The following EAF2 variants were observed in gnomAD, a reference collection of about 807,000 sequenced individuals.
EAF2 encodes ELL-associated factor 2.
Under a neutral mutation model 29.4 loss-of-function variants are expected in EAF2, and 29 were observed. That is an observed-to-expected ratio of 0.99 (90% CI 0.73 to 1.35). EAF2 has a LOEUF of 1.35. EAF2 is among the 40% of genes most tolerant of loss of function. The pLI is 0.00. For missense variants in EAF2, 292 were observed against 312.0 expected (o/e 0.94, Z 0.48); for synonymous variants, 103 against 102.5 (o/e 1.00, Z -0.03).
At chr3:121,864,408 C>T (rs1254646512) in intron 4 of EAF2, among the ~76,000 whole-genome samples, 3 of 152,030 alleles carry the variant, frequency 2.0e-5, no homozygotes, top group African/African-American at 7.2e-5. Flanking sequence ...TTACATCATG[C>T]CTGCTTCCAA....
chr3:121,844,992 A>G (rs1299197123), intron 2 of EAF2, among the ~76,000 whole-genome samples: 1 of 152,220 alleles, frequency 6.6e-6, no homozygotes, highest in Non-Finnish European at 1.5e-5. Context: ...TTCATAAAGC[A>G]AGCAATATTT....
intron 4 of EAF2, among the ~76,000 whole-genome samples, chr3:121,862,970 C>G (rs537869781): frequency 3.3e-5 from 5 of 152,310 alleles, no homozygotes; most frequent in Admixed American, 6.5e-5. Flanking sequence ...ACTCCAGACC[C>G]TGTTTTCCTG....
intron 4 of EAF2, among the ~76,000 whole-genome samples, chr3:121,871,800 C>T (rs1709019465): frequency 1.3e-5 from 2 of 151,886 alleles, no homozygotes; most frequent in Non-Finnish European, 2.9e-5. Context: ...AAAATATTGA[C>T]TTAAAAGTCA....
chr3:121,874,008 C>A (rs1709058858), intron 5 of EAF2, among the ~76,000 whole-genome samples: 1 of 151,712 alleles, frequency 6.6e-6, no homozygotes, highest in African/African-American at 2.4e-5. Flanking sequence ...GTATAATGTT[C>A]CATGAGAACA....
chr3:121,856,418 A>G (rs910524082), intron 3 of EAF2, among the ~76,000 whole-genome samples: 3 of 151,196 alleles, frequency 2.0e-5, no homozygotes, highest in African/African-American at 7.3e-5. Context: ...GCCTCAAACC[A>G]TCTTCCTTCC....
chr3:121,861,998 C>G (rs914279857), intron 4 of EAF2, among the ~76,000 whole-genome samples: 1 of 152,138 alleles, frequency 6.6e-6, no homozygotes, highest in South Asian at 2.1e-4. Flanking sequence ...GAATATTGGC[C>G]CCCATGCTCT....
At chr3:121,876,693 A>G (rs553021919) in intron 5 of EAF2, among the ~76,000 whole-genome samples, 38 of 152,090 alleles carry the variant, frequency 2.5e-4, no homozygotes, top group African/African-American at 8.7e-4. Context: ...ATAAATTTGT[A>G]GTGAGTTATG....
intron 2 of EAF2, among the ~76,000 whole-genome samples, chr3:121,849,441 A>T (rs751868582): frequency 7.9e-5 from 12 of 152,212 alleles, no homozygotes; most frequent in Non-Finnish European, 1.6e-4. Context: ...TCGAATTTTG[A>T]AAGAAAAAGT....
At chr3:121,868,463 G>C (rs530343068) in intron 4 of EAF2, among the ~76,000 whole-genome samples, 1 of 152,224 alleles carries the variant, frequency 6.6e-6, no homozygotes, top group South Asian at 2.1e-4. Flanking sequence ...GCCAAGCACG[G>C]TGGCACGCAC....
chr3:121,875,663 A>G (rs1223313959), intron 5 of EAF2, among the ~76,000 whole-genome samples: 1 of 152,054 alleles, frequency 6.6e-6, no homozygotes, highest in African/African-American at 2.4e-5. Context: ...AGACAAAGAC[A>G]TTTAAATAAG....
chr3:121,863,367 T>G (rs994464773), intron 4 of EAF2, among the ~76,000 whole-genome samples: 1 of 152,148 alleles, frequency 6.6e-6, no homozygotes, highest in African/African-American at 2.4e-5. Flanking sequence ...CAGGCTGCTT[T>G]GTTTTGTTTA....
chr3:121,866,765 T>G (rs970594745), intron 4 of EAF2, among the ~76,000 whole-genome samples: 4 of 151,682 alleles, frequency 2.6e-5, no homozygotes, highest in Non-Finnish European at 5.9e-5. Context: ...AAAAAGAAAA[T>G]AAAATTACCT....
At chr3:121,836,922 A>G (rs942776315) in intron 1 of EAF2, 24 of 427,260 alleles carry the variant, frequency 5.6e-5, no homozygotes, top group Non-Finnish European at 7.5e-5. Context: ...TCCCAATTTA[A>G]ATGAATAAAA....
chr3:121,860,470 G>A (rs1708806389), intron 4 of EAF2, among the ~76,000 whole-genome samples: 1 of 152,154 alleles, frequency 6.6e-6, no homozygotes. Context: ...GGTGTTTATA[G>A]TATTCTCTGA....
intron 1 of EAF2, among the ~76,000 whole-genome samples, chr3:121,841,504 C>CAAAAAAAAAAA (rs57868658): frequency 1.8e-3 from 48 of 25,952 alleles, no homozygotes; most frequent in South Asian, 3.3e-3. Flanking sequence ...GACCCTGTCT[C>CAAAAAAAAAAA]AAAAAAAAAA....
chr3:121,862,167 A>G (rs1032824025), intron 4 of EAF2, among the ~76,000 whole-genome samples: 4 of 152,174 alleles, frequency 2.6e-5, no homozygotes, highest in African/African-American at 9.7e-5. Flanking sequence ...GCTCTTCTCC[A>G]GGAGTATCTT....
intron 4 of EAF2, among the ~76,000 whole-genome samples, chr3:121,868,662 A>G (rs923248668): frequency 6.6e-6 from 1 of 152,194 alleles, no homozygotes; most frequent in Non-Finnish European, 1.5e-5. Context: ...GTATTGATTT[A>G]CCAGAAAGAC....
chr3:121,854,594 TAGAA>T, intron 2 of EAF2, 89 bp from the exon 3 acceptor site: 1 of 1,086,598 alleles, frequency 9.2e-7, no homozygotes. Context: ...AAGTATAACA[TAGAA>T]GGAGAAACCC....
chr3:121,864,442 T>A (rs763560021), intron 4 of EAF2, among the ~76,000 whole-genome samples: 2 of 152,218 alleles, frequency 1.3e-5, no homozygotes, highest in African/African-American at 4.8e-5. Flanking sequence ...ATGATGTCTT[T>A]ATATACATGA....
Sources: allele counts gnomAD v4.1 joint callset (sites outside exome capture counted in the v4.1 genomes callset), GRCh38; gene constraint gnomAD v4.1.1; transcripts MANE v1.5; gene names NCBI Gene and HGNC (gene_info 2026-07-23, HGNC 2026-07-21).